Variants in THSD7A observed in about 807,000 individuals in gnomAD.
THSD7A encodes thrombospondin type-1 domain-containing protein 7A.
A neutral mutation model predicts 231.3 loss-of-function variants in THSD7A; 96 were observed. The ratio of observed to expected loss-of-function variants is 0.41; its 90% CI spans 0.35 to 0.49. The LOEUF is 0.49. THSD7A is among the 20% of genes least tolerant of loss of function. THSD7A has a pLI of 0.05. For missense variants in THSD7A, 2,290 were observed against 2,070.2 expected (o/e 1.11, Z -2.06); for synonymous variants, 940 against 743.3 (o/e 1.26, Z -4.30).
At chr7:11,494,843 A>C (rs1286180359) in intron 6 of THSD7A, among the ~76,000 whole-genome samples, 1 of 151,982 alleles carries the variant, frequency 6.6e-6, no homozygotes, top group East Asian at 1.9e-4. Flanking sequence ...TTTTACCTAA[A>C]CCTTTATAAT....
chr7:11,722,747 C>G (rs1417955441), intron 1 of THSD7A, among the ~76,000 whole-genome samples: 1 of 151,962 alleles, frequency 6.6e-6, no homozygotes, highest in African/African-American at 2.4e-5. Context: ...CACTGGCCAT[C>G]AGAGAAATGC....
chr7:11,664,997 T>G (rs1783069778), intron 1 of THSD7A, among the ~76,000 whole-genome samples: 1 of 152,046 alleles, frequency 6.6e-6, no homozygotes, highest in Admixed American at 6.6e-5. Flanking sequence ...TGTTATAGAA[T>G]TTCACAATAC....
Position 11,548,849 on chromosome 7 carries a change from T to TAAA in THSD7A, c.1454-5735_1454-5733dup, listed in dbSNP as rs56231315. 2.8e-3 allele frequency among the ~76,000 whole-genome samples: 422 copies of TAAA among 149,216 alleles called. 1 individual carries two copies. The highest frequency in any genetic ancestry group is 0.017 in the Middle Eastern group (5 of 288). On this transcript the variant is annotated intron_variant, in intron 4 of 27. Transcript: ENST00000423059. ...AAACTATGTGTCAGAGGAAAATACC[T>TAAA]AAAAAAAAAAGCCATCTATGACAAA...
intron 1 of THSD7A, among the ~76,000 whole-genome samples, chr7:11,648,886 T>A (rs1198896037): frequency 6.6e-6 from 1 of 151,882 alleles, no homozygotes; most frequent in Non-Finnish European, 1.5e-5. Context: ...AACCAATAAA[T>A]AGACTGTGGC....
chr7:11,636,872 T>A lies in THSD7A; in HGVS notation c.280A>T (p.Thr94Ser). Residue 94 changes from threonine to serine, a missense_variant, in exon 2 of 28, where the codon ACA (threonine) becomes TCA (serine). Transcript: ENST00000423059. The surrounding 1 kb of genome is among the most constrained non-coding windows in gnomAD (Gnocchi z 10.0). ...VWCAHVEGWT[T>S]LHTNCKQAER... ...GCCTGCTTACAGTTAGTATGCAGTG[T>A]AGTCCATCCCTCCACATGAGCACAC... 1 of 1,613,958 alleles carries A rather than the reference T, an allele frequency of 6.2e-7. No homozygotes were observed. Among genetic ancestry groups the A allele is most frequent in the Non-Finnish European group, 8.5e-7 (1 of 1,179,874 alleles).
chr7:11,478,731 T>C (rs1786300684), intron 7 of THSD7A, among the ~76,000 whole-genome samples: 1 of 152,280 alleles, frequency 6.6e-6, no homozygotes, highest in Non-Finnish European at 1.5e-5. Context: ...ATTTTCACAA[T>C]GTTAGGAGCC....
At chr7:11,817,347 ATT>A (rs1287625889) in intron 1 of THSD7A, among the ~76,000 whole-genome samples, 1 of 152,346 alleles carries the variant, frequency 6.6e-6, no homozygotes, top group Non-Finnish European at 1.5e-5. Flanking sequence ...AACCTCCAGC[ATT>A]GCCTGCATGG....
chr7:11,684,249 C>T (rs2128139941), intron 1 of THSD7A, among the ~76,000 whole-genome samples: 1 of 151,840 alleles, frequency 6.6e-6, no homozygotes. Flanking sequence ...TAATAAGTCC[C>T]ATCCGTGACA....
At chr7:11,741,920 C>T (rs763268794) in intron 1 of THSD7A, among the ~76,000 whole-genome samples, 1 of 151,866 alleles carries the variant, frequency 6.6e-6, no homozygotes, top group East Asian at 1.9e-4. Context: ...CACAAAACAT[C>T]CTCACATTAG....
At chr7:11,402,820 T>C (rs1432777450) in intron 22 of THSD7A, among the ~76,000 whole-genome samples, 2 of 152,210 alleles carry the variant, frequency 1.3e-5, no homozygotes, top group African/African-American at 4.8e-5. Context: ...CGTACAACTT[T>C]CCATTGTGTG....
At chr7:11,456,274 T>A (rs541239483) in intron 11 of THSD7A, among the ~76,000 whole-genome samples, 3 of 152,058 alleles carry the variant, frequency 2.0e-5, no homozygotes, top group African/African-American at 2.4e-5. Flanking sequence ...TTTTCTCTCT[T>A]GTCTTCCATA....
chr7:11,415,343 C>T (rs114089472), intron 17 of THSD7A, among the ~76,000 whole-genome samples: 2,242 of 152,290 alleles, frequency 0.015, 65 homozygotes, highest in African/African-American at 0.051. Context: ...AACTTGCTCC[C>T]ATAGAAGATT....
rs1786089372 is a variant in THSD7A, at chr7:11,474,786, AG to A, written c.2018-219del. On this transcript the variant is annotated intron_variant, in intron 7 of 27. Coordinates refer to ENST00000423059, the MANE Select transcript of THSD7A (RefSeq NM_015204.3). This position sits in a 1 kb window ranked among gnomAD's most constrained non-coding sequence, Gnocchi z 4.1. The stretch of plus-strand genomic sequence containing the variant: ...ACACTCAAGGATCTCATAATGTAGT[AG>A]GGAAAAGTAGTAGGGGAGATAAGGA... Among the ~76,000 whole-genome samples, 2 of 152,218 alleles carry A rather than the reference AG, an allele frequency of 1.3e-5. No homozygotes were observed.
chr7:11,454,513 T>C (rs1053329669), intron 11 of THSD7A, among the ~76,000 whole-genome samples: 1 of 151,792 alleles, frequency 6.6e-6, no homozygotes, highest in African/African-American at 2.4e-5. Flanking sequence ...GCTTGAGTCA[T>C]CCTATATTTA....
rs2115286547 is a variant in THSD7A at position 11,377,343 on chromosome 7, ACTC to A, written c.4802-689_4802-687del. On this transcript the variant is annotated intron_variant, in intron 26 of 27. Coordinates refer to ENST00000423059, the MANE Select transcript of THSD7A (RefSeq NM_015204.3). The surrounding 1 kb of genome is among the most constrained non-coding windows in gnomAD (Gnocchi z 4.5). Reference sequence around the variant, plus strand: ...TTTGGGTTTCTGGTCTCATCTTTGAACTCCTCAGTTCTATGCTCCGAATAAACT... The same window carrying A: ...TTTGGGTTTCTGGTCTCATCTTTGAACTCAGTTCTATGCTCCGAATAAACT... Among the ~76,000 whole-genome samples, 1 of 152,034 alleles carries A rather than the reference ACTC, an allele frequency of 6.6e-6. No individual in the cohort carries two copies. Among genetic ancestry groups the A allele is most frequent in the South Asian group, 2.1e-4 (1 of 4,820 alleles).
At chr7:11,732,467 A>T (rs185619972) in intron 1 of THSD7A, among the ~76,000 whole-genome samples, 39 of 151,966 alleles carry the variant, frequency 2.6e-4, no homozygotes, top group Non-Finnish European at 5.2e-4. Flanking sequence ...CAAAGGGATT[A>T]CTCTTCCAAG....
rs1458830580 is a variant in THSD7A, at chr7:11,831,907, C to T, written c.40G>A (p.Gly14Ser). 3.2e-6 allele frequency: 4 copies of T among 1,238,376 alleles called. No homozygotes were observed. The highest frequency in any genetic ancestry group is 4.0e-5 in the South Asian group (1 of 24,854). 76.7% of individuals were successfully genotyped at this position (1,238,376 alleles called of 1,614,324 possible). A position where few individuals can be genotyped will look rare whatever the true frequency, so the allele number is the denominator to read the frequency against. ...ACGCCCCGGCGCGGCCCCGCAGCGC[C>T]CCGGCTCCCGGACGCCCAGCGCCTG... ...QARRWASGSR[G>S]AAGPRRGVLQ... The change falls in exon 1 of 28, where the codon GGC becomes AGC. Residue 14 changes from glycine (G) to serine (S), a missense_variant. Coordinates refer to ENST00000423059, the MANE Select transcript of THSD7A (RefSeq NM_015204.3). This position sits in a 1 kb window ranked among gnomAD's most constrained non-coding sequence, Gnocchi z 5.0.
intron 1 of THSD7A, among the ~76,000 whole-genome samples, chr7:11,684,573 A>G (rs1310208012): frequency 1.3e-5 from 2 of 151,916 alleles, no homozygotes; most frequent in African/African-American, 4.8e-5. Flanking sequence ...AATTAGTAAC[A>G]TTTCTATACA....
At chr7:11,624,299 T>A (rs1209625024) in intron 2 of THSD7A, among the ~76,000 whole-genome samples, 16 of 152,038 alleles carry the variant, frequency 1.1e-4, no homozygotes, top group Non-Finnish European at 1.0e-4. Flanking sequence ...TGCATATCAT[T>A]CCTGTTTATG....
Sources: allele counts gnomAD v4.1 joint callset (sites outside exome capture counted in the v4.1 genomes callset), GRCh38; gene constraint gnomAD v4.1.1; non-coding constraint Gnocchi (gnomAD v3.1); transcripts MANE v1.5; gene names NCBI Gene and HGNC (gene_info 2026-07-23, HGNC 2026-07-21).